The following NPAS3 variants were observed in gnomAD, a reference collection of about 807,000 sequenced individuals.
NPAS3 encodes neuronal PAS domain-containing protein 3.
Under a neutral mutation model 73.1 loss-of-function variants are expected in NPAS3, and 14 were observed. That is an observed-to-expected ratio of 0.19 (90% CI 0.13 to 0.30). NPAS3 has a LOEUF of 0.30. NPAS3 is among the 10% of genes least tolerant of loss of function. NPAS3 has a pLI of 1.00. For missense variants in NPAS3, 1,096 were observed against 1,250.0 expected (o/e 0.88, Z 1.86); for synonymous variants, 620 against 541.5 (o/e 1.14, Z -2.01).
At chr14:32,971,153 C>T (rs898210769) in intron 1 of NPAS3, among the ~76,000 whole-genome samples, 17 of 150,206 alleles carry the variant, frequency 1.1e-4, no homozygotes, top group Non-Finnish European at 2.1e-4. Context: ...GGCATAATCT[C>T]GGCTCACTGC....
chr14:33,726,499 C>T (rs188095519), intron 6 of NPAS3, among the ~76,000 whole-genome samples: 44 of 152,276 alleles, frequency 2.9e-4, no homozygotes, highest in Non-Finnish European at 4.7e-4. Context: ...GGCGTGATTC[C>T]TTCACCCAGA....
intron 3 of NPAS3, among the ~76,000 whole-genome samples, chr14:33,358,951 G>A (rs1050744390): frequency 6.7e-6 from 1 of 150,330 alleles, no homozygotes; most frequent in East Asian, 2.1e-4. Context: ...AAATTTATCA[G>A]AGTGACCTTT....
rs2046107925 is a variant in NPAS3 at position 33,371,939 on chromosome 14, C to G, written c.468+4671C>G. ...TAAGATTTTAAAAACTTAAGTAACTCAAGTTCACATGTCTGTTTAGGTAAC... is the reference window on the plus strand; with the variant it reads ...TAAGATTTTAAAAACTTAAGTAACTGAAGTTCACATGTCTGTTTAGGTAAC... On this transcript the variant is annotated intron_variant, in intron 4 of 11. Coordinates refer to ENST00000356141, the Ensembl canonical transcript of NPAS3. Among the ~76,000 whole-genome samples, 6 of 152,094 alleles carry G rather than the reference C, an allele frequency of 3.9e-5. No individual in the cohort carries two copies. In the South Asian group the frequency reaches 1.2e-3, roughly 32 times the overall value.
At chr14:33,158,179 C>T (rs1343183162) in intron 2 of NPAS3, among the ~76,000 whole-genome samples, 2 of 152,168 alleles carry the variant, frequency 1.3e-5, no homozygotes, top group South Asian at 2.1e-4. Flanking sequence ...CGGATTGTAC[C>T]GCGAACTGTG....
rs551988298 is a variant in NPAS3 at position 33,509,912 on chromosome 14, C to T, written c.469-50209C>T. 1.1e-4 allele frequency among the ~76,000 whole-genome samples: 17 copies of T among 152,112 alleles called. No individual in the cohort carries two copies. The South Asian group carries it at 1.2e-3, about 11-fold the overall frequency. On this transcript the variant is annotated intron_variant, in intron 4 of 11. Coordinates refer to ENST00000356141, the Ensembl canonical transcript of NPAS3. Reference sequence around the variant, plus strand: ...AGAGTTGTTGTGATTCCTGAGCTGGCCTGTACACTTATTTTTAAACGGGGA... The same window carrying T: ...AGAGTTGTTGTGATTCCTGAGCTGGTCTGTACACTTATTTTTAAACGGGGA...
At chr14:33,713,824 T>C (rs979228860) in intron 6 of NPAS3, among the ~76,000 whole-genome samples, 9 of 152,256 alleles carry the variant, frequency 5.9e-5, no homozygotes, top group African/African-American at 1.9e-4. Flanking sequence ...ACCTGTGATA[T>C]GTCCATAGAA....
chr14:33,637,151 G>A (rs886273205), intron 5 of NPAS3, among the ~76,000 whole-genome samples: 17 of 152,090 alleles, frequency 1.1e-4, no homozygotes, highest in African/African-American at 2.7e-4. Flanking sequence ...TAGTACTGGC[G>A]GTGAAAAATG....
At chr14:33,668,327 G>A (rs1186699626) in intron 5 of NPAS3, among the ~76,000 whole-genome samples, 1 of 152,142 alleles carries the variant, frequency 6.6e-6, no homozygotes, top group East Asian at 1.9e-4. Context: ...TATGATTTGT[G>A]CATTTTATTG....
At chr14:33,284,770 ATC>A (rs1189562454) in intron 3 of NPAS3, among the ~76,000 whole-genome samples, 16 of 16,262 alleles carry the variant, frequency 9.8e-4, no homozygotes, top group South Asian at 4.4e-3. Context: ...ATCTATATCT[ATC>A]TATCTATCTA....
At chr14:33,192,895 C>T (rs12891939) in intron 2 of NPAS3, among the ~76,000 whole-genome samples, 35,157 of 152,110 alleles carry the variant, frequency 0.23, 5,115 homozygotes, top group Non-Finnish European at 0.34. Context: ...TTTTAAGTGG[C>T]ACCTTCTGTG....
At chr14:33,388,472 T>C (rs370313447) in intron 4 of NPAS3, among the ~76,000 whole-genome samples, 63 of 151,034 alleles carry the variant, frequency 4.2e-4, no homozygotes, top group Middle Eastern at 6.8e-3. Context: ...TTTGGAAATA[T>C]GATTGGGATT....
chr14:33,655,508 C>T (rs757439550), intron 5 of NPAS3, among the ~76,000 whole-genome samples: 4 of 151,962 alleles, frequency 2.6e-5, no homozygotes, highest in Non-Finnish European at 5.9e-5. Flanking sequence ...ACTATTCTTG[C>T]CTGAATATAT....
chr14:32,999,130 T>C (rs918778163), intron 1 of NPAS3, among the ~76,000 whole-genome samples: 1 of 152,202 alleles, frequency 6.6e-6, no homozygotes, highest in Non-Finnish European at 1.5e-5. Context: ...CAGCTGTTGA[T>C]TGTGGTAAAA....
At chr14:33,324,815 AT>A (rs1302863268) in intron 3 of NPAS3, among the ~76,000 whole-genome samples, 2 of 152,068 alleles carry the variant, frequency 1.3e-5, no homozygotes, top group Admixed American at 6.6e-5. Flanking sequence ...TTACCATCGT[AT>A]TTAGAGTAAT....
At chr14:33,536,456 C>T (rs1177859204) in intron 4 of NPAS3, among the ~76,000 whole-genome samples, 3 of 151,974 alleles carry the variant, frequency 2.0e-5, no homozygotes, top group Non-Finnish European at 2.9e-5. Flanking sequence ...CAATGAAATG[C>T]AGAGATAGAA....
intron 5 of NPAS3, among the ~76,000 whole-genome samples, chr14:33,626,889 C>T (rs956567465): frequency 6.6e-6 from 1 of 152,086 alleles, no homozygotes; most frequent in Admixed American, 6.6e-5. Flanking sequence ...GGGAGTGGAG[C>T]TTGCAGTATT....
chr14:33,098,667 A>C (rs1324163110), intron 2 of NPAS3, among the ~76,000 whole-genome samples: 1 of 152,232 alleles, frequency 6.6e-6, no homozygotes, highest in Non-Finnish European at 1.5e-5. Context: ...TCTGAACAAA[A>C]GCAATTCTTA....
chr14:33,165,428 G>A (rs981576536), intron 2 of NPAS3, among the ~76,000 whole-genome samples: 14 of 151,910 alleles, frequency 9.2e-5, no homozygotes, highest in African/African-American at 1.7e-4. Context: ...CAGAGAATTC[G>A]TTCCAATGCT....
chr14:33,534,497 A>G (rs1005489301), intron 4 of NPAS3, among the ~76,000 whole-genome samples: 1 of 152,104 alleles, frequency 6.6e-6, no homozygotes, highest in Non-Finnish European at 1.5e-5. Flanking sequence ...TGTGACTACA[A>G]TATGGTTTTC....
Sources: gnomAD v4.1 joint callset for allele counts (sites outside exome capture counted in the v4.1 genomes callset) on GRCh38, gnomAD v4.1.1 for gene constraint, MANE v1.5 for transcripts, NCBI Gene and HGNC (gene_info 2026-07-23, HGNC 2026-07-21) for gene names.